The following ADGRF5 variants were observed in gnomAD, a reference collection of about 807,000 sequenced individuals.
The protein encoded by ADGRF5 is G-protein coupled receptor 116.
ADGRF5 carries 75 observed loss-of-function variants against 132.3 expected under a neutral mutation model. The observed-to-expected ratio is 0.57, with a 90% confidence interval of 0.47 to 0.69. ADGRF5 has a LOEUF of 0.69. ADGRF5 is among the 30% of genes least tolerant of loss of function. The pLI is 0.00. For missense variants in ADGRF5, 1,516 were observed against 1,630.6 expected (o/e 0.93, Z 1.21); for synonymous variants, 629 against 597.6 (o/e 1.05, Z -0.77).
At chr6:46,893,219 A>G (rs1318868344) in intron 3 of ADGRF5, among the ~76,000 whole-genome samples, 1 of 152,028 alleles carries the variant, frequency 6.6e-6, no homozygotes, top group Non-Finnish European at 1.5e-5. Flanking sequence ...ACCCTGAGAT[A>G]GCAACCCTCT....
chr6:46,875,868 C>T (rs1415853289), intron 10 of ADGRF5, among the ~76,000 whole-genome samples: 30 of 152,160 alleles, frequency 2.0e-4, no homozygotes, highest in Admixed American at 1.8e-3. Context: ...TTTGTGATTG[C>T]GTTGATACCC....
chr6:46,950,086 T>C (rs1397848879), intron 1 of ADGRF5, among the ~76,000 whole-genome samples: 1 of 152,178 alleles, frequency 6.6e-6, no homozygotes, highest in Non-Finnish European at 1.5e-5. Flanking sequence ...AGACTCTTGA[T>C]AGCTTTGAGC....
At chr6:46,954,166 A>G (rs534592504) in intron 1 of ADGRF5, among the ~76,000 whole-genome samples, 37 of 152,174 alleles carry the variant, frequency 2.4e-4, no homozygotes, top group African/African-American at 8.4e-4. Context: ...AATTTCAGGA[A>G]ACCTCGGGAA....
At chr6:46,877,338 T>C (rs199892942) in intron 10 of ADGRF5, among the ~76,000 whole-genome samples, 30,604 of 62,024 alleles carry the variant, frequency 0.49, 5,747 homozygotes, top group East Asian at 0.55. Context: ...TCTTTCTTTC[T>C]TTCTTTCTTT....
At chr6:46,889,186 CAT>C (rs5875989) in intron 3 of ADGRF5, among the ~76,000 whole-genome samples, 91,230 of 142,884 alleles carry the variant, frequency 0.64, 30,708 homozygotes, top group Non-Finnish European at 0.76. Flanking sequence ...TATGTGTATA[CAT>C]ATATATATAT....
At chr6:46,938,086 A>G (rs188853026) in intron 1 of ADGRF5, among the ~76,000 whole-genome samples, 11 of 152,340 alleles carry the variant, frequency 7.2e-5, no homozygotes, top group African/African-American at 2.4e-4. Flanking sequence ...TATTACATGT[A>G]ACTTATGAAT....
intron 1 of ADGRF5, among the ~76,000 whole-genome samples, chr6:46,948,339 C>T (rs1259739823): frequency 6.6e-6 from 1 of 152,108 alleles, no homozygotes; most frequent in Non-Finnish European, 1.5e-5. Context: ...TAATATTATA[C>T]CTTATTTATC....
intron 1 of ADGRF5, among the ~76,000 whole-genome samples, chr6:46,927,789 C>G (rs1777331336): frequency 6.6e-6 from 1 of 152,130 alleles, no homozygotes; most frequent in Non-Finnish European, 1.5e-5. Context: ...ATAGAGTACT[C>G]AGAACAGCAT....
chr6:46,880,139 C>T, intron 8 of ADGRF5, 100 bp from the exon 9 acceptor site: 1 of 803,480 alleles, frequency 1.2e-6, no homozygotes, highest in Non-Finnish European at 2.1e-6. Context: ...GAGATCTTGA[C>T]AGCATCTGTG....
intron 16 of ADGRF5, 142 bp from the exon 17 acceptor site, chr6:46,859,665 A>T: frequency 1.6e-6 from 1 of 608,400 alleles, no homozygotes. Flanking sequence ...GGCAGTGGGG[A>T]TGTATGACCT....
intron 1 of ADGRF5, among the ~76,000 whole-genome samples, chr6:46,944,251 C>T (rs1008292652): frequency 6.6e-6 from 1 of 152,168 alleles, no homozygotes; most frequent in Non-Finnish European, 1.5e-5. Context: ...CTAGATCCTT[C>T]GCATGCACAG....
At chr6:46,912,997 C>G (rs1776093383) in intron 1 of ADGRF5, among the ~76,000 whole-genome samples, 1 of 152,218 alleles carries the variant, frequency 6.6e-6, no homozygotes, top group Non-Finnish European at 1.5e-5. Flanking sequence ...GCTGGCCTGT[C>G]CATTGCATCC....
chr6:46,911,081 C>A (rs1775904336), intron 1 of ADGRF5, among the ~76,000 whole-genome samples: 1 of 152,190 alleles, frequency 6.6e-6, no homozygotes, highest in Non-Finnish European at 1.5e-5. Flanking sequence ...CTCATGTACA[C>A]CATGGCAATG....
intron 10 of ADGRF5, among the ~76,000 whole-genome samples, chr6:46,874,130 C>T (rs1771383232): frequency 6.6e-6 from 1 of 152,152 alleles, no homozygotes; most frequent in South Asian, 2.1e-4. Flanking sequence ...CTCTTTTTAC[C>T]TTTAAAACCT....
chr6:46,900,427 C>A (rs1245207172), intron 2 of ADGRF5, among the ~76,000 whole-genome samples: 9 of 152,204 alleles, frequency 5.9e-5, no homozygotes, highest in African/African-American at 2.2e-4. Flanking sequence ...CTCTGCCTGA[C>A]TTGAACTGAG....
At chr6:46,920,911 A>G (rs960271408) in intron 1 of ADGRF5, among the ~76,000 whole-genome samples, 1 of 152,208 alleles carries the variant, frequency 6.6e-6, no homozygotes, top group Non-Finnish European at 1.5e-5. Context: ...TTCTTTTACG[A>G]TAAGAATATA....
chr6:46,882,111 A>G lies in ADGRF5; in HGVS notation c.613-4T>C. ...AAATTCCGTAACCCTTCCGGAACTG[A>G]AAAATAAAGCAAGATGAATGTCATA... On this transcript the variant is annotated splice_polypyrimidine_tract_variant and splice_region_variant and intron_variant, in intron 6 of 20. Coordinates refer to ENST00000283296, the MANE Select transcript of ADGRF5 (RefSeq NM_001098518.2). 1 of 1,603,192 alleles carries G rather than the reference A, an allele frequency of 6.2e-7. No homozygotes were observed. Among genetic ancestry groups the G allele is most frequent in the Admixed American group, 1.7e-5 (1 of 60,012 alleles).
intron 1 of ADGRF5, among the ~76,000 whole-genome samples, chr6:46,917,028 C>A (rs1776476765): frequency 6.6e-6 from 1 of 152,232 alleles, no homozygotes; most frequent in Admixed American, 6.5e-5. Context: ...CATTTGGTAA[C>A]AACAATTACT....
At chr6:46,912,634 A>G (rs754944219) in intron 1 of ADGRF5, among the ~76,000 whole-genome samples, 1 of 152,208 alleles carries the variant, frequency 6.6e-6, no homozygotes. Context: ...CCAACAATCA[A>G]AGGTCCAGTT....
Sources: allele counts gnomAD v4.1 joint callset (sites outside exome capture counted in the v4.1 genomes callset), GRCh38; gene constraint gnomAD v4.1.1; transcripts MANE v1.5; gene names NCBI Gene and HGNC (gene_info 2026-07-23, HGNC 2026-07-21).